CCSER1: variants seen among roughly 807,000 people sequenced by gnomAD.
CCSER1 encodes coiled-coil serine rich protein 1, also known as serine-rich coiled-coil domain-containing protein 1.
CCSER1 carries 41 observed loss-of-function variants against 82.0 expected under a neutral mutation model. The observed-to-expected ratio is 0.50, with a 90% CI of 0.39 to 0.65. The LOEUF (loss-of-function observed/expected upper bound fraction) is 0.65. Among genes scored for constraint, CCSER1 ranks in the 30% least tolerant of loss-of-function variants. CCSER1 has a pLI of 0.00. For missense variants in CCSER1, 1,119 were observed against 1,064.2 expected, an observed-to-expected ratio of 1.05 and a Z score of -0.72; for synonymous variants, 414 against 383.9, an observed-to-expected ratio of 1.08 and a Z score of -0.92.
At chr4:91,290,502 T>C (rs1344922508) in intron 10 of CCSER1, among the ~76,000 whole-genome samples, 1 of 152,000 alleles carries the variant, frequency 6.6e-6, no homozygotes, top group African/African-American at 2.4e-5. Context: ...AGTTTTATAA[T>C]ATATTAAAAG....
chr4:91,247,301 C>CA (rs36047203), intron 10 of CCSER1, among the ~76,000 whole-genome samples: 5,759 of 114,158 alleles, frequency 0.05, 148 homozygotes, highest in Middle Eastern at 0.089. Context: ...GACTCCGTCT[C>CA]AAAAAAAAAA....
chr4:90,761,492 T>C (rs1218744695), intron 7 of CCSER1, among the ~76,000 whole-genome samples: 1 of 152,186 alleles, frequency 6.6e-6, no homozygotes, highest in Non-Finnish European at 1.5e-5. Context: ...TGCTCCCACT[T>C]GTCCTAGTCA....
intron 1 of CCSER1, among the ~76,000 whole-genome samples, chr4:90,228,403 G>A (rs1743690672): frequency 6.6e-6 from 1 of 152,156 alleles, no homozygotes; most frequent in South Asian, 2.1e-4. Context: ...CAGACCTGCA[G>A]CTGAGGGTCC....
chr4:90,345,122 A>T (rs535325530), intron 3 of CCSER1, among the ~76,000 whole-genome samples: 55 of 152,244 alleles, frequency 3.6e-4, no homozygotes, highest in African/African-American at 9.9e-4. Flanking sequence ...ATATAATTTT[A>T]CCAATGATGA....
At chr4:91,134,958 G>T (rs1341209125) in intron 10 of CCSER1, among the ~76,000 whole-genome samples, 1 of 151,946 alleles carries the variant, frequency 6.6e-6, no homozygotes, top group African/African-American at 2.4e-5. Context: ...TACTCGGGAG[G>T]CTGAGGCAGG....
intron 10 of CCSER1, among the ~76,000 whole-genome samples, chr4:91,517,126 G>T (rs1470926862): frequency 6.6e-6 from 1 of 152,130 alleles, no homozygotes; most frequent in Non-Finnish European, 1.5e-5. Context: ...TCAAGTTATA[G>T]AATCCTGTTG....
chr4:91,268,522 A>G (rs1040053864), intron 10 of CCSER1, among the ~76,000 whole-genome samples: 5 of 152,214 alleles, frequency 3.3e-5, no homozygotes, highest in African/African-American at 9.6e-5. Context: ...ACTACCTTCA[A>G]ATTCAAAACA....
At chr4:90,204,682 T>G (rs746595372) in intron 1 of CCSER1, among the ~76,000 whole-genome samples, 1 of 152,198 alleles carries the variant, frequency 6.6e-6, no homozygotes, top group Non-Finnish European at 1.5e-5. Context: ...GTGGGCTCTT[T>G]TTTGGTTCCA....
intron 1 of CCSER1, among the ~76,000 whole-genome samples, chr4:90,145,175 C>G (rs761172631): frequency 5.3e-5 from 8 of 152,056 alleles, no homozygotes; most frequent in Non-Finnish European, 1.0e-4. Flanking sequence ...TTAAAATATT[C>G]TAATCTCATA....
chr4:91,002,650 T>G (rs920663981), intron 9 of CCSER1, among the ~76,000 whole-genome samples: 3 of 152,140 alleles, frequency 2.0e-5, no homozygotes, highest in Non-Finnish European at 4.4e-5. Context: ...TCCCTTCGCT[T>G]CTTGTATCTT....
chr4:90,568,196 T>A (rs904584820), intron 5 of CCSER1, among the ~76,000 whole-genome samples: 1 of 152,230 alleles, frequency 6.6e-6, no homozygotes, highest in African/African-American at 2.4e-5. Context: ...CTAGATTATA[T>A]TTTAAGTCGG....
At chr4:90,835,988 A>G (rs1280880381) in intron 8 of CCSER1, among the ~76,000 whole-genome samples, 1 of 152,216 alleles carries the variant, frequency 6.6e-6, no homozygotes, top group Non-Finnish European at 1.5e-5. Context: ...ATGCTCTTGT[A>G]TATGACTTAA....
At position 90,606,194 on chromosome 4, in the gene CCSER1, G is replaced by A. The variant is rs1036643293; in HGVS notation, c.1725-21831G>A. On this transcript the variant is annotated intron_variant, in intron 5 of 10. Coordinates refer to ENST00000509176, the MANE Select transcript of CCSER1 (RefSeq NM_001145065.2). ...GGCCATTATCTCTTCCTTGCCATGG[G>A]GAGAGTCCTAGTTGTTATTATACTG... 4.1e-5 allele frequency among the ~76,000 whole-genome samples: 5 copies of A among 121,420 alleles called. No homozygotes were observed. The East Asian group carries it at 1.0e-3, about 25-fold the overall frequency. 79.7% of individuals were successfully genotyped at this position (121,420 alleles called of 152,430 possible).
In CCSER1 at chr4:91,124,168, T is replaced by C. The variant is rs1727314047; in HGVS notation, c.2217+38174T>C. ...GATGCATAACCTATATACTAATTGT[T>C]AATTATTTTTTCTTTTCTAAATATT... On this transcript the variant is annotated intron_variant, in intron 10 of 10. Coordinates refer to ENST00000509176, the MANE Select transcript of CCSER1 (RefSeq NM_001145065.2). 2.0e-5 allele frequency among the ~76,000 whole-genome samples: 3 copies of C among 151,766 alleles called. No individual in the cohort carries two copies. In the South Asian group the frequency reaches 6.2e-4, roughly 31 times the overall value.
At chr4:90,896,125 G>A (rs1445398338) in intron 8 of CCSER1, among the ~76,000 whole-genome samples, 1 of 151,930 alleles carries the variant, frequency 6.6e-6, no homozygotes, top group Non-Finnish European at 1.5e-5. Flanking sequence ...AGAAAAATGT[G>A]AGAAGCTAAG....
At chr4:90,911,650 C>A (rs149018473) in intron 8 of CCSER1, among the ~76,000 whole-genome samples, 1 of 152,048 alleles carries the variant, frequency 6.6e-6, no homozygotes, top group Non-Finnish European at 1.5e-5. Flanking sequence ...GTGGGTGTAG[C>A]GCACCAAGCA....
chr4:90,557,182 T>C (rs1380967952), intron 5 of CCSER1, among the ~76,000 whole-genome samples: 3 of 152,030 alleles, frequency 2.0e-5, no homozygotes, highest in Non-Finnish European at 4.4e-5. Flanking sequence ...AGTTACCATC[T>C]GTAATTTTCA....
Position 90,321,753 on chromosome 4 carries a change from A to C in CCSER1, c.1509+8706A>C, listed in dbSNP as rs895056627. On this transcript the variant is annotated intron_variant, in intron 3 of 10. Coordinates refer to ENST00000509176, the MANE Select transcript of CCSER1 (RefSeq NM_001145065.2). The stretch of plus-strand genomic sequence containing the variant: ...TTTGCCTGTCGTTTGGATAAAAGAC[A>C]CTTTTTATATGCCTGTTGTCCATTT... Among the ~76,000 whole-genome samples the C allele has an allele frequency of 4.6e-5, 7 of 152,158 alleles. No individual in the cohort carries two copies. In the East Asian group the frequency reaches 1.4e-3, roughly 29 times the overall value.
chr4:90,505,399 C>T (rs1770544682), intron 5 of CCSER1, among the ~76,000 whole-genome samples: 2 of 151,928 alleles, frequency 1.3e-5, no homozygotes. Flanking sequence ...AGGGAAAAGA[C>T]AGTAAGTTGA....
Sources: gnomAD v4.1 joint callset for allele counts (sites outside exome capture counted in the v4.1 genomes callset) on GRCh38, gnomAD v4.1.1 for gene constraint, MANE v1.5 for transcripts, NCBI Gene and HGNC (gene_info 2026-07-23, HGNC 2026-07-21) for gene names.